The following LDB2 variants were observed in gnomAD, a reference collection of about 807,000 sequenced individuals.
LDB2 encodes the protein LIM domain-binding protein 2.
A neutral mutation model predicts 44.3 loss-of-function variants in LDB2; 12 were observed. That is an observed-to-expected ratio of 0.27 (90% CI 0.17 to 0.44). LDB2 has a LOEUF of 0.44. Among genes scored for constraint, LDB2 ranks in the 20% least tolerant of loss-of-function variants. The pLI is 1.00. For synonymous variants in LDB2, 164 were observed against 174.8 expected, an observed-to-expected ratio of 0.94 and a Z score of 0.49; for missense variants, 344 against 473.5, an observed-to-expected ratio of 0.73 and a Z score of 2.54.
At position 16,743,994 on chromosome 4, in the gene LDB2, T is replaced by C. The variant is rs548182165; in HGVS notation, c.235+15164A>G. Among the ~76,000 whole-genome samples, 14 of 152,358 alleles carry C rather than the reference T, an allele frequency of 9.2e-5. 1 individual carries two copies. In the South Asian group the frequency reaches 1.7e-3, roughly 18 times the overall value. The stretch of plus-strand genomic sequence containing the variant: ...CTAAAATCAAGGCAGTTAATGACAC[T>C]TCCCCCTATACTTGGCTCTAAAATA... On this transcript the variant is annotated intron_variant, in intron 2 of 7. Transcript: ENST00000304523.
chr4:16,770,915 A>G (rs975475670), intron 1 of LDB2, among the ~76,000 whole-genome samples: 2 of 152,144 alleles, frequency 1.3e-5, no homozygotes, highest in African/African-American at 4.8e-5. Flanking sequence ...ATCGTATTAC[A>G]TCACACCATC....
At chr4:16,706,053 T>C (rs979872969) in intron 2 of LDB2, among the ~76,000 whole-genome samples, 1 of 152,200 alleles carries the variant, frequency 6.6e-6, no homozygotes, top group Non-Finnish European at 1.5e-5. Flanking sequence ...TATTTACTAT[T>C]TCTTTGTATA....
intron 2 of LDB2, among the ~76,000 whole-genome samples, chr4:16,644,934 A>G (rs1008410366): frequency 6.6e-6 from 1 of 152,156 alleles, no homozygotes; most frequent in African/African-American, 2.4e-5. Flanking sequence ...AGGTATCTTT[A>G]GGTAACCTCA....
rs531269864 is a variant in LDB2, at chr4:16,771,598, A to G, written c.133-12338T>C. ...TCATTCTCTTCCATCTCCATAATAT[A>G]ATTCCAGTTTCTCAGTCACTTAGGC... On this transcript the variant is annotated intron_variant, in intron 1 of 7. Coordinates refer to ENST00000304523, the MANE Select transcript of LDB2 (RefSeq NM_001290.5). 2.0e-5 allele frequency among the ~76,000 whole-genome samples: 3 copies of G among 152,226 alleles called. No homozygotes were observed. The South Asian group carries it at 6.2e-4, about 32-fold the overall frequency.
At chr4:16,624,889 A>C (rs1374565558) in intron 2 of LDB2, among the ~76,000 whole-genome samples, 1 of 152,232 alleles carries the variant, frequency 6.6e-6, no homozygotes, top group Non-Finnish European at 1.5e-5. Flanking sequence ...TTCAAAGAAA[A>C]TACAATAGTA....
At chr4:16,766,254 T>A (rs1769177318) in intron 1 of LDB2, among the ~76,000 whole-genome samples, 1 of 152,000 alleles carries the variant, frequency 6.6e-6, no homozygotes, top group African/African-American at 2.4e-5. Context: ...ATGATTCCAC[T>A]CATATACAGT....
intron 2 of LDB2, among the ~76,000 whole-genome samples, chr4:16,668,906 T>C (rs6811347): frequency 0.98 from 149,549 of 152,112 alleles, 73,564 homozygotes; most frequent in Middle Eastern, 1. Flanking sequence ...CTATTTGGAG[T>C]GGAAAAAGAG....
At chr4:16,809,308 T>C (rs994114362) in intron 1 of LDB2, among the ~76,000 whole-genome samples, 1 of 152,214 alleles carries the variant, frequency 6.6e-6, no homozygotes, top group Non-Finnish European at 1.5e-5. Flanking sequence ...TATGGTATTT[T>C]TGCTTAACAC....
At chr4:16,810,720 G>A (rs1237290626) in intron 1 of LDB2, among the ~76,000 whole-genome samples, 3 of 35,052 alleles carry the variant, frequency 8.6e-5, no homozygotes, top group African/African-American at 1.5e-4. Flanking sequence ...TATCAAATCA[G>A]AAAAAGGTTT....
chr4:16,718,628 G>A (rs1177564093), intron 2 of LDB2, among the ~76,000 whole-genome samples: 1 of 152,074 alleles, frequency 6.6e-6, no homozygotes, highest in Admixed American at 6.6e-5. Context: ...AAAAATCAGA[G>A]GAGAGTGTCA....
At chr4:16,719,298 G>T (rs1296900119) in intron 2 of LDB2, among the ~76,000 whole-genome samples, 1 of 152,050 alleles carries the variant, frequency 6.6e-6, no homozygotes, top group Non-Finnish European at 1.5e-5. Flanking sequence ...ACTATAGAGA[G>T]ATTTTTTTTG....
At chr4:16,699,166 C>A (rs1199251575) in intron 2 of LDB2, among the ~76,000 whole-genome samples, 2 of 152,198 alleles carry the variant, frequency 1.3e-5, no homozygotes, top group African/African-American at 4.8e-5. Context: ...CAGGGGACTG[C>A]ACATTCTTCA....
At chr4:16,816,661 T>C (rs1354045067) in intron 1 of LDB2, among the ~76,000 whole-genome samples, 1 of 152,140 alleles carries the variant, frequency 6.6e-6, no homozygotes, top group Non-Finnish European at 1.5e-5. Context: ...TCCGCCCGCC[T>C]TGGCTTCCCA....
chr4:16,772,084 AG>A (rs1770840941), intron 1 of LDB2, among the ~76,000 whole-genome samples: 2 of 151,898 alleles, frequency 1.3e-5, no homozygotes, highest in South Asian at 4.2e-4. Flanking sequence ...ACTACACCAC[AG>A]GGCCCTTTGA....
intron 1 of LDB2, among the ~76,000 whole-genome samples, chr4:16,857,366 G>A (rs1789560408): frequency 6.6e-6 from 1 of 152,156 alleles, no homozygotes. Context: ...AGTCTGAACT[G>A]AAAAAGTCTC....
intron 2 of LDB2, among the ~76,000 whole-genome samples, chr4:16,660,944 G>A (rs905561214): frequency 1.4e-4 from 22 of 152,250 alleles, no homozygotes; most frequent in Admixed American, 6.5e-4. Flanking sequence ...TGTCCTATGC[G>A]GACTAATAGG....
chr4:16,508,731 C>A, intron 6 of LDB2, 45 bp from the exon 7 acceptor site: 1 of 1,581,382 alleles, frequency 6.3e-7, no homozygotes, highest in South Asian at 1.2e-5. Context: ...AGGGCAAAAG[C>A]AACAAGGCAA....
At chr4:16,615,299 T>C (rs138889814) in intron 2 of LDB2, among the ~76,000 whole-genome samples, 2 of 152,134 alleles carry the variant, frequency 1.3e-5, no homozygotes, top group East Asian at 3.9e-4. Flanking sequence ...TAAAGACACA[T>C]GTACACATAT....
At chr4:16,838,609 C>T (rs1785316919) in intron 1 of LDB2, among the ~76,000 whole-genome samples, 1 of 152,176 alleles carries the variant, frequency 6.6e-6, no homozygotes, top group Non-Finnish European at 1.5e-5. Flanking sequence ...AGTGTACTGT[C>T]ACTCTCTGGA....
Sources: allele counts gnomAD v4.1 joint callset (sites outside exome capture counted in the v4.1 genomes callset), GRCh38; gene constraint gnomAD v4.1.1; transcripts MANE v1.5; gene names NCBI Gene and HGNC (gene_info 2026-07-23, HGNC 2026-07-21).